The following WWOX variants were observed in gnomAD, a reference collection of about 807,000 sequenced individuals.
WWOX encodes the protein WW domain containing oxidoreductase.
WWOX carries 69 observed loss-of-function variants against 46.2 expected under a neutral mutation model. The ratio of observed to expected loss-of-function variants is 1.49; its 90% CI spans 1.23 to 1.82. The LOEUF (loss-of-function observed/expected upper bound fraction) is 1.82, where lower values mean the gene tolerates loss of function less well. Ranked by LOEUF, WWOX falls within the 40% of genes most tolerant of loss-of-function variation. The probability of loss-of-function intolerance (pLI) is 0.00; values close to 1 mark genes in which losing one functional copy is unlikely to be tolerated. For synonymous variants in WWOX, 359 were observed against 202.6 expected (o/e 1.77, Z -6.56); for missense variants, 919 against 542.6 (o/e 1.69, Z -6.89).
At chr16:78,755,307 T>C (rs1399992004) in intron 8 of WWOX, among the ~76,000 whole-genome samples, 1 of 151,736 alleles carries the variant, frequency 6.6e-6, no homozygotes, top group South Asian at 2.1e-4. Context: ...TTCCAGGAAT[T>C]GGAGAATGTC....
intron 8 of WWOX, among the ~76,000 whole-genome samples, chr16:78,809,957 G>C (rs1434421515): frequency 3.3e-5 from 5 of 152,152 alleles, no homozygotes; most frequent in Non-Finnish European, 7.4e-5. Context: ...GGGACCCTTG[G>C]TATCCTGTTC....
chr16:78,494,678 A>G (rs557569221), intron 8 of WWOX, among the ~76,000 whole-genome samples: 2 of 152,314 alleles, frequency 1.3e-5, no homozygotes, highest in African/African-American at 4.8e-5. Context: ...CTTAATGGAC[A>G]ACATATCAGT....
intron 8 of WWOX, among the ~76,000 whole-genome samples, chr16:78,748,600 T>TA (rs1351415448): frequency 6.6e-6 from 1 of 152,178 alleles, no homozygotes; most frequent in African/African-American, 2.4e-5. Context: ...CAACATGCCC[T>TA]AACTGGTTAG....
chr16:78,978,772 AC>A (rs1327628421), intron 8 of WWOX, among the ~76,000 whole-genome samples: 2 of 152,130 alleles, frequency 1.3e-5, no homozygotes, highest in Non-Finnish European at 2.9e-5. Context: ...CTGGGACAAC[AC>A]CAAGGAGATA....
At chr16:78,208,379 A>T (rs2036459871) in intron 5 of WWOX, among the ~76,000 whole-genome samples, 1 of 152,198 alleles carries the variant, frequency 6.6e-6, no homozygotes, top group African/African-American at 2.4e-5. Flanking sequence ...GGAGTCATAA[A>T]AACATACCGT....
intron 8 of WWOX, among the ~76,000 whole-genome samples, chr16:78,767,232 C>T (rs1419993442): frequency 6.6e-6 from 1 of 152,024 alleles, no homozygotes; most frequent in African/African-American, 2.4e-5. Context: ...GTGATCCTCC[C>T]ACCTCAGCCT....
In WWOX at chr16:78,874,684, C is replaced by CTTTT. The variant is rs552696627; in HGVS notation, c.1057-336904_1057-336901dup. Among the ~76,000 whole-genome samples, 325 of 83,480 alleles carry CTTTT rather than the reference C, an allele frequency of 3.9e-3. 7 individuals are homozygous for CTTTT. Among genetic ancestry groups the CTTTT allele is most frequent in the African/African-American group, 8.8e-3 (195 of 22,168 alleles). 54.8% of individuals were successfully genotyped at this position (83,480 alleles called of 152,430 possible). A position where few individuals can be genotyped will look rare whatever the true frequency, so the allele number is the denominator to read the frequency against. ...GTGTCTGTGACCAGAAGATTTTTTT[C>CTTTT]TTTTTTTTTTTTTTTTTTTTTTTGG... On this transcript the variant is annotated intron_variant, in intron 8 of 8. Transcript: ENST00000566780.
At chr16:78,962,158 A>G (rs1033117705) in intron 8 of WWOX, among the ~76,000 whole-genome samples, 1 of 152,020 alleles carries the variant, frequency 6.6e-6, no homozygotes, top group African/African-American at 2.4e-5. Context: ...CCCAGAGGAG[A>G]GAAGAGAAGC....
chr16:78,415,432 C>T (rs1477865922), intron 6 of WWOX, among the ~76,000 whole-genome samples: 3 of 152,092 alleles, frequency 2.0e-5, no homozygotes, highest in Non-Finnish European at 4.4e-5. Flanking sequence ...CTTGTGCTGA[C>T]CTCCTATGTT....
intron 8 of WWOX, among the ~76,000 whole-genome samples, chr16:78,671,763 A>G (rs2047470577): frequency 6.6e-6 from 1 of 152,238 alleles, no homozygotes; most frequent in South Asian, 2.1e-4. Context: ...GAACATAAGT[A>G]TATTTAAGAA....
chr16:78,751,823 T>C (rs1209293286), intron 8 of WWOX, among the ~76,000 whole-genome samples: 3 of 151,280 alleles, frequency 2.0e-5, no homozygotes, highest in African/African-American at 7.3e-5. Flanking sequence ...AAGGATTTTC[T>C]AGAAAAAGAA....
chr16:79,189,934 A>AGG (rs67451675), intron 8 of WWOX, among the ~76,000 whole-genome samples: 1 of 91,166 alleles, frequency 1.1e-5, no homozygotes, highest in East Asian at 3.9e-4. Flanking sequence ...GGGGTGGGGA[A>AGG]GGGGGGGGGG....
intron 8 of WWOX, among the ~76,000 whole-genome samples, chr16:79,088,389 C>G (rs947120159): frequency 2.0e-5 from 3 of 152,172 alleles, no homozygotes; most frequent in African/African-American, 7.2e-5. Flanking sequence ...AGACTCTGAT[C>G]AGATAAAGAC....
At chr16:78,415,221 G>A (rs931220500) in intron 6 of WWOX, among the ~76,000 whole-genome samples, 1 of 151,886 alleles carries the variant, frequency 6.6e-6, no homozygotes, top group Non-Finnish European at 1.5e-5. Context: ...AGACCATATA[G>A]GGTAACTTCT....
intron 5 of WWOX, among the ~76,000 whole-genome samples, chr16:78,251,010 A>G (rs768635247): frequency 2.2e-4 from 33 of 152,202 alleles, no homozygotes; most frequent in Non-Finnish European, 4.1e-4. Flanking sequence ...TGGATTCCCC[A>G]GCCCGGACCA....
At chr16:78,580,299 C>A (rs901362632) in intron 8 of WWOX, among the ~76,000 whole-genome samples, 1 of 152,116 alleles carries the variant, frequency 6.6e-6, no homozygotes, top group South Asian at 2.1e-4. Flanking sequence ...ACCTCAAACT[C>A]CTGCAGTACA....
At chr16:78,286,147 A>T (rs28635592) in intron 5 of WWOX, among the ~76,000 whole-genome samples, 6,166 of 152,296 alleles carry the variant, frequency 0.04, 278 homozygotes, top group African/African-American at 0.11. Flanking sequence ...TGTGATTTTC[A>T]TTCCCTTGTT....
chr16:78,451,306 T>A (rs1196873248), intron 8 of WWOX, among the ~76,000 whole-genome samples: 1 of 152,252 alleles, frequency 6.6e-6, no homozygotes, highest in African/African-American at 2.4e-5. Flanking sequence ...TTTCACTGAA[T>A]GAGTATACAT....
At chr16:78,384,674 A>G (rs947345756) in intron 5 of WWOX, among the ~76,000 whole-genome samples, 1 of 152,130 alleles carries the variant, frequency 6.6e-6, no homozygotes, top group African/African-American at 2.4e-5. Context: ...CTTTTCCTAG[A>G]TCAGGTTCAT....
Sources: gnomAD v4.1 joint callset for allele counts (sites outside exome capture counted in the v4.1 genomes callset) on GRCh38, gnomAD v4.1.1 for gene constraint, MANE v1.5 for transcripts, NCBI Gene and HGNC (gene_info 2026-07-23, HGNC 2026-07-21) for gene names.